The following HDAC9 variants were observed in gnomAD, a reference collection of about 807,000 sequenced individuals.
HDAC9 encodes histone deacetylase 9.
In HDAC9, 41 loss-of-function variants were observed where a neutral mutation model predicts 139.4. That is an observed-to-expected ratio of 0.29 (90% CI 0.23 to 0.38). The LOEUF (loss-of-function observed/expected upper bound fraction) is 0.38. Among genes scored for constraint, HDAC9 ranks in the 10% least tolerant of loss-of-function variants. HDAC9 has a pLI of 1.00. For synonymous variants in HDAC9, 517 were observed against 476.2 expected, an observed-to-expected ratio of 1.09 and a Z score of -1.12; for missense variants, 1,147 against 1,297.0, an observed-to-expected ratio of 0.88 and a Z score of 1.78.
chr7:18,701,314 C>T (rs1186887235), intron 12 of HDAC9, among the ~76,000 whole-genome samples: 1 of 148,594 alleles, frequency 6.7e-6, no homozygotes, highest in African/African-American at 2.5e-5. Context: ...GCATGTTTTA[C>T]AAACTGTAAT....
At chr7:18,804,014 A>G (rs910538463) in intron 17 of HDAC9, among the ~76,000 whole-genome samples, 1 of 152,218 alleles carries the variant, frequency 6.6e-6, no homozygotes, top group Non-Finnish European at 1.5e-5. Context: ...GAGCAATGAT[A>G]AAGAGATAAA....
At chr7:18,670,310 A>G (rs1032570582) in intron 12 of HDAC9, among the ~76,000 whole-genome samples, 10 of 152,046 alleles carry the variant, frequency 6.6e-5, no homozygotes, top group African/African-American at 2.4e-4. Flanking sequence ...GAATTTGAGC[A>G]AACACAAAGG....
At chr7:18,520,325 T>C (rs1804626300) in intron 2 of HDAC9, among the ~76,000 whole-genome samples, 1 of 152,154 alleles carries the variant, frequency 6.6e-6, no homozygotes, top group Admixed American at 6.6e-5. Flanking sequence ...TCTCCTTTCT[T>C]TACTTAGTTA....
At chr7:18,118,861 G>T (rs1222349798) in intron 1 of HDAC9, among the ~76,000 whole-genome samples, 1 of 152,130 alleles carries the variant, frequency 6.6e-6, no homozygotes, top group East Asian at 1.9e-4. Context: ...GAGAATATTG[G>T]CCAAGAAAGG....
At chr7:18,268,013 C>T (rs1796108030) in intron 2 of HDAC9, among the ~76,000 whole-genome samples, 1 of 151,890 alleles carries the variant, frequency 6.6e-6, no homozygotes, top group Non-Finnish European at 1.5e-5. Context: ...TGCTGAGCAC[C>T]CTGACTTAAC....
In HDAC9 at chr7:18,667,716, T is replaced by G. The variant is rs1226183209; in HGVS notation, c.1731+1240T>G. The G allele has an allele frequency of 4.1e-6, 4 of 984,930 alleles. No individual in the cohort carries two copies. In the East Asian group the frequency reaches 4.5e-4, roughly 112 times the overall value. 61.0% of individuals were successfully genotyped at this position (984,930 alleles called of 1,614,324 possible). ...GAATGTAGGAAAAAAAATCTGAGGATAGTGCTTTACTCTTTCTGTTTTTAA... is the reference window on the plus strand; with the variant it reads ...GAATGTAGGAAAAAAAATCTGAGGAGAGTGCTTTACTCTTTCTGTTTTTAA... On this transcript the variant is annotated intron_variant, in intron 12 of 25. Transcript: ENST00000686413.
chr7:18,435,540 A>G (rs1347578700), intron 1 of HDAC9, among the ~76,000 whole-genome samples: 1 of 152,178 alleles, frequency 6.6e-6, no homozygotes, highest in Non-Finnish European at 1.5e-5. Flanking sequence ...AGTATAGTGC[A>G]AATATTATTC....
chr7:18,458,908 C>G (rs1315784454), intron 1 of HDAC9: 4 of 1,527,420 alleles, frequency 2.6e-6, no homozygotes, highest in African/African-American at 1.4e-5. Flanking sequence ...CCAGGTAGAA[C>G]CAGACCTTAT....
chr7:18,352,561 C>T (rs1402352477), intron 1 of HDAC9, among the ~76,000 whole-genome samples: 3 of 152,202 alleles, frequency 2.0e-5, no homozygotes, highest in South Asian at 2.1e-4. Flanking sequence ...TTAAATTTTC[C>T]AGAAGTTCAT....
intron 16 of HDAC9, among the ~76,000 whole-genome samples, chr7:18,781,214 T>C (rs1200252735): frequency 6.6e-6 from 1 of 152,034 alleles, no homozygotes; most frequent in East Asian, 1.9e-4. Flanking sequence ...TTCAAAGGAC[T>C]TATTGATTGC....
At chr7:18,617,901 T>C (rs1839105489) in intron 6 of HDAC9, among the ~76,000 whole-genome samples, 1 of 152,154 alleles carries the variant, frequency 6.6e-6, no homozygotes, top group Non-Finnish European at 1.5e-5. Flanking sequence ...TGCAATAACA[T>C]TTTGGAGGTA....
rs141534943 is a variant in HDAC9, at chr7:18,280,702, A to G, written c.25+118353A>G. 2.9e-3 allele frequency among the ~76,000 whole-genome samples: 437 copies of G among 151,872 alleles called. 5 individuals carry two copies. The highest frequency in any genetic ancestry group is 9.8e-3 in the African/African-American group (405 of 41,448). On this transcript the variant is annotated intron_variant, in intron 2 of 12. Transcript: ENST00000417496. ...AGCCTGAGCCCAGGAGGTCAAGGTG[A>G]CAGTGAGCCATGATTGTTCCACTGT...
intron 25 of HDAC9, among the ~76,000 whole-genome samples, chr7:18,993,883 G>A (rs1325208925): frequency 6.6e-6 from 1 of 151,654 alleles, no homozygotes; most frequent in Non-Finnish European, 1.5e-5. Flanking sequence ...TAGAAGGTGG[G>A]CAGCTATAAG....
At chr7:18,609,820 G>A (rs140359180) in intron 6 of HDAC9, among the ~76,000 whole-genome samples, 7 of 142,928 alleles carry the variant, frequency 4.9e-5, no homozygotes, top group South Asian at 2.2e-4. Flanking sequence ...GTGATGTTCC[G>A]TTTCCTGTGT....
chr7:18,113,282 G>A (rs1256175624), intron 1 of HDAC9, among the ~76,000 whole-genome samples: 1 of 152,090 alleles, frequency 6.6e-6, no homozygotes, highest in Non-Finnish European at 1.5e-5. Flanking sequence ...ATTGACCATG[G>A]CAAGATTTCA....
At chr7:18,958,086 G>T (rs1307921116) in intron 24 of HDAC9, among the ~76,000 whole-genome samples, 1 of 152,116 alleles carries the variant, frequency 6.6e-6, no homozygotes, top group Non-Finnish European at 1.5e-5. Flanking sequence ...ACATGTATGT[G>T]AATATTTTCC....
intron 2 of HDAC9, among the ~76,000 whole-genome samples, chr7:18,266,407 G>T (rs1198751331): frequency 7.8e-6 from 1 of 128,812 alleles, no homozygotes; most frequent in African/African-American, 2.5e-5. Context: ...AATCATTCAA[G>T]TAAAAATGTT....
chr7:18,871,864 G>A (rs1368201064), intron 21 of HDAC9, among the ~76,000 whole-genome samples: 2 of 152,086 alleles, frequency 1.3e-5, no homozygotes, highest in Non-Finnish European at 1.5e-5. Context: ...TATCAGAGAG[G>A]AGAACAAGAG....
At chr7:18,395,360 T>A (rs1307467475) in intron 1 of HDAC9, among the ~76,000 whole-genome samples, 1 of 152,162 alleles carries the variant, frequency 6.6e-6, no homozygotes, top group Non-Finnish European at 1.5e-5. Flanking sequence ...ACATAAAAAT[T>A]AAAGCAGTAT....
Sources: allele counts gnomAD v4.1 joint callset (sites outside exome capture counted in the v4.1 genomes callset), GRCh38; gene constraint gnomAD v4.1.1; transcripts MANE v1.5; gene names NCBI Gene and HGNC (gene_info 2026-07-23, HGNC 2026-07-21).